Variants in CPQ observed in about 807,000 individuals in gnomAD.
The protein encoded by CPQ is Ser-Met dipeptidase.
Under a neutral mutation model 45.7 loss-of-function variants are expected in CPQ, and 37 were observed. The ratio of observed to expected loss-of-function variants is 0.81; its 90% CI spans 0.62 to 1.07. CPQ has a LOEUF of 1.07. Ranked by LOEUF, CPQ falls within the 50% of genes least tolerant of loss-of-function variation. The pLI is 0.00. For missense variants in CPQ, 537 were observed against 572.9 expected (o/e 0.94, Z 0.64); for synonymous variants, 186 against 205.8 (o/e 0.90, Z 0.82).
intron 4 of CPQ, among the ~76,000 whole-genome samples, chr8:96,899,661 A>C (rs1812490173): frequency 6.8e-6 from 1 of 147,686 alleles, no homozygotes; most frequent in African/African-American, 2.4e-5. Flanking sequence ...ATGAAAACTC[A>C]CTCACTATTG....
At chr8:96,712,811 A>G (rs1809629776) in intron 1 of CPQ, among the ~76,000 whole-genome samples, 1 of 152,132 alleles carries the variant, frequency 6.6e-6, no homozygotes, top group Non-Finnish European at 1.5e-5. Context: ...CGTTGTCTTG[A>G]TGGTTGACAT....
intron 2 of CPQ, among the ~76,000 whole-genome samples, chr8:96,825,623 T>C (rs1811369863): frequency 6.6e-6 from 1 of 152,064 alleles, no homozygotes; most frequent in East Asian, 1.9e-4. Context: ...AAAATTTTCA[T>C]GTAATTCATA....
chr8:96,988,437 T>C (rs753382196), intron 5 of CPQ, among the ~76,000 whole-genome samples: 22 of 152,146 alleles, frequency 1.4e-4, no homozygotes, highest in Non-Finnish European at 2.9e-4. Flanking sequence ...TGGGAAAAAA[T>C]GTACTATTTG....
At chr8:96,662,502 C>T (rs1815711338) in intron 1 of CPQ, among the ~76,000 whole-genome samples, 1 of 152,084 alleles carries the variant, frequency 6.6e-6, no homozygotes, top group South Asian at 2.1e-4. Context: ...TGTTTATTCT[C>T]CTAATGAAGA....
rs34088584 is a variant in CPQ, at chr8:96,785,310, G to A, written c.413G>A (p.Ser138Asn). 5.1e-3 allele frequency: 8,249 copies of A among 1,606,944 alleles called. 345 individuals are homozygous for A. The African/African-American group carries it at 0.094, about 18-fold the overall frequency. The change falls in exon 2 of 8, where the codon AGC (serine) becomes AAC (asparagine). Residue 138 changes from serine to asparagine, a missense_variant. Physicochemically the swap from Ser to Asn is conservative, Grantham distance 46. Transcript: ENST00000220763. ...ATAGCCATCCTGGGTCTTGGCAGCA[G>A]CATTGGGACTCCTCCAGAAGGTATT... ...HKIAILGLGS[S>N]IGTPPEGITA...
chr8:97,025,042 AATTTCATG>A (rs1431213496), intron 5 of CPQ, among the ~76,000 whole-genome samples: 1 of 152,154 alleles, frequency 6.6e-6, no homozygotes, highest in African/African-American at 2.4e-5. Context: ...GTGTTCTATA[AATTTCATG>A]ATTTAGGAAA....
At chr8:96,778,730 A>ATTTAATT (rs2130804099) in intron 1 of CPQ, among the ~76,000 whole-genome samples, 1 of 152,280 alleles carries the variant, frequency 6.6e-6, no homozygotes, top group Non-Finnish European at 1.5e-5. Flanking sequence ...ATCAAAATTA[A>ATTTAATT]TTTAATTGAC....
intron 3 of CPQ, among the ~76,000 whole-genome samples, chr8:96,852,315 C>A (rs113327032): frequency 1.3e-5 from 2 of 152,226 alleles, no homozygotes; most frequent in African/African-American, 4.8e-5. Context: ...AAACAAAACA[C>A]CATAGACAAC....
intron 1 of CPQ, among the ~76,000 whole-genome samples, chr8:96,674,686 C>T (rs1430747036): frequency 6.6e-6 from 1 of 152,072 alleles, no homozygotes. Context: ...TTGAAGAAGA[C>T]ATTCCCTTCA....
At chr8:96,923,011 G>A (rs1563529842) in intron 4 of CPQ, among the ~76,000 whole-genome samples, 1 of 152,156 alleles carries the variant, frequency 6.6e-6, no homozygotes, top group Non-Finnish European at 1.5e-5. Flanking sequence ...GGAGGACTAT[G>A]CAATGGAGAC....
At chr8:96,883,427 G>A (rs1199458251) in intron 4 of CPQ, among the ~76,000 whole-genome samples, 1 of 152,100 alleles carries the variant, frequency 6.6e-6, no homozygotes, top group Non-Finnish European at 1.5e-5. Context: ...ATGAGATTTA[G>A]GATGTTGCCT....
intron 1 of CPQ, among the ~76,000 whole-genome samples, chr8:96,737,948 T>G (rs982229424): frequency 6.6e-6 from 1 of 152,192 alleles, no homozygotes; most frequent in Non-Finnish European, 1.5e-5. Flanking sequence ...TTCTATTTTT[T>G]AGTATTTTCT....
At chr8:96,729,728 A>G (rs919466722) in intron 1 of CPQ, among the ~76,000 whole-genome samples, 13 of 152,138 alleles carry the variant, frequency 8.5e-5, no homozygotes, top group African/African-American at 2.9e-4. Context: ...AAAATTAACT[A>G]TATAATTTCT....
chr8:97,120,302 T>C (rs111229039), intron 7 of CPQ, among the ~76,000 whole-genome samples: 152 of 150,534 alleles, frequency 1.0e-3, no homozygotes, highest in African/African-American at 2.7e-3. Context: ...ATTTATGGCA[T>C]AGATAAATTA....
chr8:96,834,991 T>C lies in CPQ; in HGVS notation c.452T>C (p.Leu151Pro), dbSNP rs148279743. The change falls in exon 3 of 8, where the codon CTG becomes CCG. Residue 151 changes from leucine (L) to proline (P), a missense_variant. Physicochemically the swap from Leu to Pro is moderately conservative, Grantham distance 98 (BLOSUM62 -3). Transcript: ENST00000220763. ...TTTCTAGGCATTACAGCAGAAGTTC[T>C]GGTGGTGACCTCTTTCGATGAACTG... The part of the protein sequence containing the change: ...TPPEGITAEV[L>P]VVTSFDELQR... The C allele has an allele frequency of 5.3e-4, 854 of 1,613,202 alleles. 7 individuals carry two copies. In the African/African-American group the frequency reaches 0.01, roughly 19 times the overall value.
intron 1 of CPQ, among the ~76,000 whole-genome samples, chr8:96,719,822 G>A (rs1361533122): frequency 6.6e-6 from 1 of 152,178 alleles, no homozygotes; most frequent in Non-Finnish European, 1.5e-5. Flanking sequence ...CAGCTCCAGT[G>A]CTGTATAGGG....
At chr8:96,948,158 A>G (rs1813215239) in intron 4 of CPQ, among the ~76,000 whole-genome samples, 1 of 152,128 alleles carries the variant, frequency 6.6e-6, no homozygotes, top group African/African-American at 2.4e-5. Context: ...TTTGGTTAAT[A>G]AAGTCACTTT....
At chr8:96,951,207 T>C (rs1188888595) in intron 4 of CPQ, among the ~76,000 whole-genome samples, 1 of 152,110 alleles carries the variant, frequency 6.6e-6, no homozygotes, top group African/African-American at 2.4e-5. Context: ...TGCTTGTCAA[T>C]CGTTACAGAG....
intron 4 of CPQ, among the ~76,000 whole-genome samples, chr8:96,891,261 C>T (rs1288341851): frequency 6.6e-6 from 1 of 152,176 alleles, no homozygotes; most frequent in Non-Finnish European, 1.5e-5. Context: ...AATGGGCAAA[C>T]CCATATGTCT....
Sources: allele counts gnomAD v4.1 joint callset (sites outside exome capture counted in the v4.1 genomes callset), GRCh38; gene constraint gnomAD v4.1.1; transcripts MANE v1.5; gene names NCBI Gene and HGNC (gene_info 2026-07-23, HGNC 2026-07-21).